Variants in NRXN3 observed in about 807,000 individuals in gnomAD.
The protein encoded by NRXN3 is neurexin 3.
NRXN3 carries 32 observed loss-of-function variants against 137.6 expected under a neutral mutation model. That is an observed-to-expected ratio of 0.23 (90% CI 0.18 to 0.31). The LOEUF is 0.31. Ranked by LOEUF, NRXN3 falls within the 10% of genes least tolerant of loss-of-function variation. The pLI, the probability that NRXN3 is intolerant of heterozygous loss-of-function variation, is 1.00. For missense variants in NRXN3, 1,574 were observed against 2,062.5 expected (o/e 0.76, Z 4.59); for synonymous variants, 798 against 784.5 (o/e 1.02, Z -0.29).
intron 8 of NRXN3, among the ~76,000 whole-genome samples, chr14:78,724,483 C>T (rs1466055905): frequency 1.3e-5 from 2 of 152,126 alleles, no homozygotes; most frequent in Non-Finnish European, 2.9e-5. Context: ...AGCAAAACCA[C>T]CCACCCCCAA....
At chr14:79,199,719 A>G (rs1031960360) in intron 15 of NRXN3, among the ~76,000 whole-genome samples, 1 of 152,190 alleles carries the variant, frequency 6.6e-6, no homozygotes, top group African/African-American at 2.4e-5. Context: ...TGGATTTTGG[A>G]TAACACTGAA....
At chr14:79,706,533 T>G (rs1031411797) in intron 19 of NRXN3, among the ~76,000 whole-genome samples, 1 of 151,190 alleles carries the variant, frequency 6.6e-6, no homozygotes, top group African/African-American at 2.4e-5. Flanking sequence ...AAGAGGCCTC[T>G]GAGGAGGAAA....
intron 8 of NRXN3, among the ~76,000 whole-genome samples, chr14:78,779,932 A>C (rs2098762639): frequency 6.6e-6 from 1 of 152,172 alleles, no homozygotes; most frequent in South Asian, 2.1e-4. Flanking sequence ...CTCCAACAGA[A>C]CTGTTCATGG....
At chr14:79,527,971 G>A (rs1387738130) in intron 16 of NRXN3, among the ~76,000 whole-genome samples, 1 of 151,980 alleles carries the variant, frequency 6.6e-6, no homozygotes, top group East Asian at 1.9e-4. Flanking sequence ...ACCCAGGCAA[G>A]CATTTATTTC....
chr14:79,297,949 G>C (rs992346434), intron 15 of NRXN3, among the ~76,000 whole-genome samples: 3 of 151,990 alleles, frequency 2.0e-5, no homozygotes, highest in African/African-American at 7.2e-5. Flanking sequence ...GGAGAGTATT[G>C]TTTCTAAAAA....
chr14:79,768,409 C>T (rs1220090026), intron 19 of NRXN3, among the ~76,000 whole-genome samples: 3 of 152,208 alleles, frequency 2.0e-5, no homozygotes, highest in Non-Finnish European at 4.4e-5. Context: ...GTTCTCCCAG[C>T]ACGCAGCTGG....
chr14:79,767,604 A>T (rs2099060389), intron 19 of NRXN3, among the ~76,000 whole-genome samples: 1 of 152,212 alleles, frequency 6.6e-6, no homozygotes, highest in African/African-American at 2.4e-5. Context: ...TGGGGTACTT[A>T]TCATATGTCC....
chr14:78,725,446 T>C (rs1361237011), intron 8 of NRXN3, among the ~76,000 whole-genome samples: 2 of 152,246 alleles, frequency 1.3e-5, no homozygotes, highest in Non-Finnish European at 2.9e-5. Context: ...TAGCTCACTG[T>C]TGCTCAGCAG....
intron 15 of NRXN3, among the ~76,000 whole-genome samples, chr14:79,052,257 T>C (rs2099643027): frequency 6.6e-6 from 1 of 152,182 alleles, no homozygotes; most frequent in Admixed American, 6.5e-5. Context: ...ATCAGAATCA[T>C]GAAAAATGTT....
At chr14:79,527,792 A>G (rs1197265208) in intron 16 of NRXN3, among the ~76,000 whole-genome samples, 1 of 142,848 alleles carries the variant, frequency 7.0e-6, no homozygotes, top group East Asian at 2.0e-4. Context: ...AATCGCTTCA[A>G]CCCGGGAGGC....
intron 15 of NRXN3, among the ~76,000 whole-genome samples, chr14:79,423,484 C>T (rs2095611193): frequency 6.6e-6 from 1 of 152,166 alleles, no homozygotes; most frequent in Non-Finnish European, 1.5e-5. Context: ...TTTCAAATGA[C>T]TAGAAGAAGA....
chr14:78,462,057 T>C (rs185684927), intron 4 of NRXN3, among the ~76,000 whole-genome samples: 5 of 152,286 alleles, frequency 3.3e-5, no homozygotes, highest in Admixed American at 6.5e-5. Flanking sequence ...CCCCATGGGC[T>C]TGAATGAGAG....
chr14:78,804,896 G>A (rs77390264), intron 9 of NRXN3, among the ~76,000 whole-genome samples: 1,935 of 152,280 alleles, frequency 0.013, 47 homozygotes, highest in African/African-American at 0.045. Flanking sequence ...ATTTGGGTAC[G>A]TAGAATATGT....
chr14:79,695,384 G>A (rs1265726064), intron 18 of NRXN3, among the ~76,000 whole-genome samples: 1 of 151,936 alleles, frequency 6.6e-6, no homozygotes, highest in Non-Finnish European at 1.5e-5. Context: ...CACCAGTGCT[G>A]AACTATACAC....
intron 3 of NRXN3, among the ~76,000 whole-genome samples, chr14:78,280,128 A>G (rs1418013571): frequency 6.6e-6 from 1 of 152,210 alleles, no homozygotes; most frequent in Non-Finnish European, 1.5e-5. Context: ...TGTTCCAGGA[A>G]CTGTTCTAGG....
At chr14:78,817,606 C>G (rs2098937759) in intron 10 of NRXN3, among the ~76,000 whole-genome samples, 1 of 152,152 alleles carries the variant, frequency 6.6e-6, no homozygotes, top group Admixed American at 6.6e-5. Context: ...GGGCTTCATG[C>G]TGCTTCCACT....
rs113079267 is a variant in NRXN3, at chr14:79,031,561, T to C, written c.3262+43420T>C. ...AGGGCACTATAAGGTTCACAAGGAC[T>C]GAAAACTATTTGATCTTCTCATTTT... On this transcript the variant is annotated intron_variant, in intron 15 of 20. Transcript: ENST00000335750. 5.6e-4 allele frequency among the ~76,000 whole-genome samples: 85 copies of C among 152,296 alleles called. 1 individual carries two copies. Among genetic ancestry groups the C allele is most frequent in the African/African-American group, 1.7e-3 (72 of 41,580 alleles).
chr14:78,607,396 G>C (rs1226221173), intron 4 of NRXN3, among the ~76,000 whole-genome samples: 2 of 152,108 alleles, frequency 1.3e-5, no homozygotes, highest in African/African-American at 4.8e-5. Flanking sequence ...ACTCAGGCAG[G>C]ACAACTGTCT....
At chr14:78,915,748 A>G (rs1287827855) in intron 10 of NRXN3, among the ~76,000 whole-genome samples, 1 of 152,064 alleles carries the variant, frequency 6.6e-6, no homozygotes, top group Non-Finnish European at 1.5e-5. Flanking sequence ...AAGAAATTCC[A>G]TGTGCCAAGA....
Sources: gnomAD v4.1 joint callset for allele counts (sites outside exome capture counted in the v4.1 genomes callset) on GRCh38, gnomAD v4.1.1 for gene constraint, MANE v1.5 for transcripts, NCBI Gene and HGNC (gene_info 2026-07-23, HGNC 2026-07-21) for gene names.